The following STRN4 variants were observed in gnomAD, a reference collection of about 807,000 sequenced individuals.
The protein encoded by STRN4 is striatin 4.
A neutral mutation model predicts 77.9 loss-of-function variants in STRN4; 27 were observed. The observed-to-expected ratio is 0.35, with a 90% CI of 0.26 to 0.48. The LOEUF is 0.48. Ranked by LOEUF, STRN4 falls within the 20% of genes least tolerant of loss-of-function variation. STRN4 has a pLI of 0.99. For missense variants in STRN4, 798 were observed against 1,049.7 expected (o/e 0.76, Z 3.31); for synonymous variants, 466 against 443.1 (o/e 1.05, Z -0.65).
At chr19:46,736,721 A>G in intron 4 of STRN4, 102 bp downstream of exon 4, 2 of 1,190,382 alleles carry the variant, frequency 1.7e-6, no homozygotes, top group Non-Finnish European at 2.4e-6. Context: ...CTGATAGTTC[A>G]GCATCCCCAG....
Position 46,746,408 on chromosome 19 carries a change from G to A in STRN4, c.23C>T (p.Ala8Val). 4.8e-6 allele frequency: 5 copies of A among 1,046,124 alleles called. No individual in the cohort carries two copies. Among genetic ancestry groups the A allele is most frequent in the East Asian group, 8.1e-5 (1 of 12,386 alleles). The allele number at this position is 1,046,124 out of a possible 1,614,324, so 64.8% of individuals were successfully genotyped here. A position where few individuals can be genotyped will look rare whatever the true frequency, so the allele number is the denominator to read the frequency against. ...GGAGGAGGCGGCGGCGGCGACCGCG[G>A]CGGCCGCTCGCTCCTCCATCATGGA... The part of the protein sequence containing the change: MMEERAA[A>V]AVAAAASSCR... Residue 8 changes from alanine (A) to valine (V), a missense_variant, in exon 1 of 18, where the codon GCC (alanine) becomes GTC (valine). Coordinates refer to ENST00000263280, the MANE Select transcript of STRN4 (RefSeq NM_013403.3).
chr19:46,731,946 G>A (rs1007276769), intron 5 of STRN4, among the ~76,000 whole-genome samples: 1 of 151,130 alleles, frequency 6.6e-6, no homozygotes, highest in Non-Finnish European at 1.5e-5. Context: ...AGCTCCAGAC[G>A]AGCTCTGCTT....
chr19:46,728,126 C>G, intron 7 of STRN4, 119 bp from the exon 8 acceptor site: 1 of 963,740 alleles, frequency 1.0e-6, no homozygotes, highest in Non-Finnish European at 1.6e-6. Flanking sequence ...AAGCTCTGGC[C>G]CTGGGGGAGG....
At chr19:46,728,190 G>A (rs947542178) in intron 7 of STRN4, 183 bp from the exon 8 acceptor site, 1 of 709,970 alleles carries the variant, frequency 1.4e-6, no homozygotes, top group African/African-American at 1.7e-5. Context: ...GGGGCAGTGG[G>A]CAGGTCACTG....
chr19:46,735,088 T>A (rs1195477618), intron 4 of STRN4, among the ~76,000 whole-genome samples: 1 of 151,862 alleles, frequency 6.6e-6, no homozygotes, highest in Non-Finnish European at 1.5e-5. Context: ...GGTGGATCAC[T>A]TGAGCTCGGG....
chr19:46,727,663 C>A, intron 8 of STRN4, 117 bp from the exon 9 acceptor site: 1 of 859,130 alleles, frequency 1.2e-6, no homozygotes, highest in Non-Finnish European at 1.9e-6. Context: ...GAGAGAGAGA[C>A]GGGGAGAGGA....
intron 6 of STRN4, 111 bp downstream of exon 6, chr19:46,730,621 A>G: frequency 6.7e-7 from 1 of 1,493,614 alleles, no homozygotes; most frequent in Non-Finnish European, 9.1e-7. Context: ...GTGTCTCCAT[A>G]TCCCTGCTGC....
intron 10 of STRN4, 45 bp downstream of exon 10, chr19:46,725,428 G>C: frequency 6.2e-7 from 1 of 1,610,324 alleles, no homozygotes; most frequent in Non-Finnish European, 8.5e-7. Context: ...TGTCACCCCC[G>C]TCCCCAGATG....
intron 11 of STRN4, 110 bp downstream of exon 11, chr19:46,725,222 C>A (rs2054080995): frequency 6.8e-7 from 1 of 1,464,832 alleles, no homozygotes; most frequent in Non-Finnish European, 9.4e-7. Context: ...GACTCAGAGC[C>A]CCCTGCTGTC....
Position 46,723,049 on chromosome 19 carries a change from G to C in STRN4, c.1765+65C>G. 3.8e-6 allele frequency: 6 copies of C among 1,576,262 alleles called. No individual in the cohort carries two copies. Among genetic ancestry groups the C allele is most frequent in the Non-Finnish European group, 5.2e-6 (6 of 1,160,220 alleles). On this transcript the variant is annotated intron_variant, in intron 13 of 17. Coordinates refer to ENST00000263280, the MANE Select transcript of STRN4 (RefSeq NM_013403.3). The surrounding 1 kb of genome is among the most constrained non-coding windows in gnomAD (Gnocchi z 5.5). ...GGTGGGAGGCCTGGGGCCTCAGCAG[G>C]AACCACTCTGATAGCCTCCAGATCC...
chr19:46,725,024 G>C (rs1263678375), intron 11 of STRN4, 96 bp from the exon 12 acceptor site: 3 of 1,554,534 alleles, frequency 1.9e-6, no homozygotes, highest in African/African-American at 2.7e-5. Context: ...CTTCAAGGAT[G>C]GCCAAAAGGA....
chr19:46,733,682 C>T lies in STRN4; in HGVS notation c.540-446G>A, dbSNP rs1420442634. 6.1e-6 allele frequency: 1 copy of T among 163,488 alleles called. No individual in the cohort carries two copies. Among genetic ancestry groups the T allele is most frequent in the Non-Finnish European group, 1.3e-5 (1 of 74,140 alleles). 10.1% of individuals were successfully genotyped at this position (163,488 alleles called of 1,614,324 possible). ...AAGGCGTTAATGTGCATAAAGCTTA[C>T]ACCACACGCAAACACACGTTTGTAT... On this transcript the variant is annotated intron_variant, in intron 4 of 17. Coordinates refer to ENST00000263280, the MANE Select transcript of STRN4 (RefSeq NM_013403.3). The surrounding 1 kb of genome is among the most constrained non-coding windows in gnomAD (Gnocchi z 4.3).
intron 1 of STRN4, among the ~76,000 whole-genome samples, chr19:46,742,062 C>T (rs1326079796): frequency 6.6e-6 from 1 of 152,218 alleles, no homozygotes; most frequent in East Asian, 1.9e-4. Flanking sequence ...CTCAGAGTTG[C>T]CACAGAACAG....
At chr19:46,737,033 T>G (rs1229306548) in intron 3 of STRN4, 132 bp from the exon 4 acceptor site, 1 of 737,182 alleles carries the variant, frequency 1.4e-6, no homozygotes, top group Non-Finnish European at 2.2e-6. Flanking sequence ...TTCCTGAGTG[T>G]TGGAACCCTG....
rs771337652 is a variant in STRN4 at position 46,723,249 on chromosome 19, C to T, written c.1630G>A (p.Gly544Arg). 43 of 1,550,284 alleles carry T rather than the reference C, an allele frequency of 2.8e-5. No homozygotes were observed. In the South Asian group the frequency reaches 3.2e-4, roughly 12 times the overall value. Residue 544 changes from glycine (G) to arginine (R), a missense_variant, in exon 13 of 18, where the codon GGG (glycine) becomes AGG (arginine). Gly to Arg is a moderately radical substitution (Grantham distance 125, BLOSUM62 -2). Coordinates refer to ENST00000263280, the MANE Select transcript of STRN4 (RefSeq NM_013403.3). The surrounding 1 kb of genome is among the most constrained non-coding windows in gnomAD (Gnocchi z 5.5). ...SVLSHVLEGHGDAVWGLAFSP... is the reference protein window; with the variant it reads ...SVLSHVLEGHRDAVWGLAFSP... ...AAGGCCAGGCCCCACACGGCGTCCC[C>T]GTGGCCCTCCAGGACGTGGCTCAGC...
chr19:46,720,372 G>C (rs980487902), intron 17 of STRN4, 34 bp from the exon 18 acceptor site: 1 of 425,516 alleles, frequency 2.4e-6, no homozygotes, highest in Non-Finnish European at 4.0e-6. Context: ...AGACTGAGCC[G>C]CCGCCTCTAG....
intron 1 of STRN4, among the ~76,000 whole-genome samples, chr19:46,744,303 G>A (rs1441333287): frequency 6.6e-6 from 1 of 152,180 alleles, no homozygotes; most frequent in Non-Finnish European, 1.5e-5. Flanking sequence ...TAAGGATTCT[G>A]CTCCCATCCC....
At chr19:46,725,302 T>TTA (rs767781555) in intron 11 of STRN4, 30 bp downstream of exon 11, 2 of 1,613,466 alleles carry the variant, frequency 1.2e-6, no homozygotes, top group Admixed American at 3.3e-5. Flanking sequence ...TTAGGACGAG[T>TTA]TTCTAGCAGG....
intron 4 of STRN4, among the ~76,000 whole-genome samples, chr19:46,734,717 T>A (rs1599883264): frequency 6.6e-6 from 1 of 152,170 alleles, no homozygotes; most frequent in African/African-American, 2.4e-5. Context: ...CAGGCTGGAG[T>A]GCAGTGGCAC....
Sources: gnomAD v4.1 joint callset for allele counts (sites outside exome capture counted in the v4.1 genomes callset) on GRCh38, gnomAD v4.1.1 for gene constraint, Gnocchi (gnomAD v3.1) non-coding constraint, MANE v1.5 for transcripts, NCBI Gene and HGNC (gene_info 2026-07-23, HGNC 2026-07-21) for gene names.